LIMK1: variants seen among roughly 807,000 people sequenced by gnomAD.
LIMK1 encodes the protein LIM domain kinase 1.
In LIMK1, 21 loss-of-function variants were observed where a neutral mutation model predicts 77.6. That is an observed-to-expected ratio of 0.27 (90% CI 0.19 to 0.39). LIMK1 has a LOEUF of 0.39. LIMK1 is among the 10% of genes least tolerant of loss of function. LIMK1 has a pLI of 1.00. For missense variants in LIMK1, 696 were observed against 901.6 expected, an observed-to-expected ratio of 0.77 and a Z score of 2.92; for synonymous variants, 358 against 370.0, an observed-to-expected ratio of 0.97 and a Z score of 0.37.
intron 4 of LIMK1, 78 bp downstream of exon 4, chr7:74,097,267 C>G (rs1416309280): frequency 1.9e-5 from 16 of 843,230 alleles, no homozygotes; most frequent in Non-Finnish European, 2.2e-5. Flanking sequence ...CTCTCCCACA[C>G]CCGGGCCTCC....
chr7:74,099,302 G>T, intron 5 of LIMK1, 64 bp downstream of exon 5: 1 of 1,486,864 alleles, frequency 6.7e-7, no homozygotes, highest in South Asian at 1.1e-5. Context: ...GGGTGGCAGA[G>T]TCTGGCACTG....
intron 5 of LIMK1, among the ~76,000 whole-genome samples, chr7:74,100,988 C>T (rs543166453): frequency 6.6e-6 from 1 of 152,210 alleles, no homozygotes. Flanking sequence ...CCGCCCGTCT[C>T]GGCCTCCCAA....
chr7:74,093,219 A>G, intron 2 of LIMK1: 1 of 1,535,110 alleles, frequency 6.5e-7, no homozygotes, highest in Non-Finnish European at 8.7e-7. Context: ...CCTCCCTTAG[A>G]CCTCCAGAGC....
At chr7:74,114,914 C>CAAAAAAAAAAAAAAAAAAAAAAAAAAAAA (rs569366868) in intron 12 of LIMK1, among the ~76,000 whole-genome samples, 1 of 69,894 alleles carries the variant, frequency 1.4e-5, no homozygotes. Context: ...GACTCCAACT[C>CAAAAAAAAAAAAAAAAAAAAAAAAAAAAA]AAAAAAAAAA....
intron 13 of LIMK1, among the ~76,000 whole-genome samples, chr7:74,117,234 T>G (rs1554699692): frequency 1.3e-5 from 2 of 152,032 alleles, no homozygotes; most frequent in African/African-American, 4.8e-5. Context: ...CCCAGGCTGG[T>G]CTCAAACTCC....
intron 2 of LIMK1, among the ~76,000 whole-genome samples, chr7:74,087,175 G>A (rs1799150796): frequency 6.6e-6 from 1 of 152,090 alleles, no homozygotes; most frequent in Non-Finnish European, 1.5e-5. Flanking sequence ...GGCTGAGGTG[G>A]GCAGATCACT....
At chr7:74,087,498 A>G (rs1352705050) in intron 2 of LIMK1, among the ~76,000 whole-genome samples, 1 of 152,204 alleles carries the variant, frequency 6.6e-6, no homozygotes, top group Non-Finnish European at 1.5e-5. Context: ...AAAACTCCAT[A>G]AAAGGGTAGA....
chr7:74,111,382 G>A (rs1442143786), intron 10 of LIMK1: 1 of 475,948 alleles, frequency 2.1e-6, no homozygotes, highest in Non-Finnish European at 3.8e-6. Flanking sequence ...AGGTTGTAGG[G>A]AGCTGAGATG....
chr7:74,100,376 T>G (rs558641084), intron 5 of LIMK1, among the ~76,000 whole-genome samples: 95 of 152,340 alleles, frequency 6.2e-4, no homozygotes, highest in Non-Finnish European at 1.1e-3. Flanking sequence ...GTGGCGCCTT[T>G]ATTGACACCT....
intron 5 of LIMK1, among the ~76,000 whole-genome samples, chr7:74,101,071 T>C (rs778224020): frequency 2.0e-5 from 3 of 152,212 alleles, no homozygotes; most frequent in Non-Finnish European, 4.4e-5. Context: ...ACGCAGTGAA[T>C]GTTTCTTGTA....
At chr7:74,093,050 T>A in intron 2 of LIMK1, 1 of 1,222,172 alleles carries the variant, frequency 8.2e-7, no homozygotes, top group Non-Finnish European at 1.1e-6. Flanking sequence ...AAAGGGTGCT[T>A]CAGCCACTTC....
intron 1 of LIMK1, among the ~76,000 whole-genome samples, chr7:74,085,507 C>G (rs1242599978): frequency 6.6e-6 from 1 of 152,232 alleles, no homozygotes; most frequent in East Asian, 1.9e-4. Context: ...TCCTCCTAAG[C>G]TGATACATAG....
chr7:74,104,240 C>A (rs944060913), intron 5 of LIMK1, among the ~76,000 whole-genome samples: 3 of 150,654 alleles, frequency 2.0e-5, no homozygotes, highest in Non-Finnish European at 3.0e-5. Context: ...CCCTGTTTTT[C>A]TTAAAGTTCT....
chr7:74,086,936 A>G (rs1367118995), intron 2 of LIMK1, among the ~76,000 whole-genome samples: 1 of 152,124 alleles, frequency 6.6e-6, no homozygotes, highest in African/African-American at 2.4e-5. Context: ...ACACACACCC[A>G]CAGGTAGGAA....
chr7:74,092,923 C>T (rs186797625), intron 2 of LIMK1, among the ~76,000 whole-genome samples: 6 of 152,114 alleles, frequency 3.9e-5, no homozygotes, highest in Admixed American at 6.5e-5. Flanking sequence ...TTGCCAGGGC[C>T]GAGGCTGAGG....
rs1554693666 is a variant in LIMK1 at position 74,083,847 on chromosome 7, C to G, written c.-144C>G. The G allele has an allele frequency of 6.9e-6, 1 of 145,714 alleles. No homozygotes were observed. Among genetic ancestry groups the G allele is most frequent in the Non-Finnish European group, 1.5e-5 (1 of 65,860 alleles). 9.0% of individuals were successfully genotyped at this position (145,714 alleles called of 1,614,324 possible). ...CGCGGCGCCGAGCCGGTTTCCCCGC[C>G]GGTGTCCGAGAGGCGCCCCCGGCCC... On this transcript the variant is annotated 5_prime_UTR_variant, in exon 1 of 16. Coordinates refer to ENST00000336180, the MANE Select transcript of LIMK1 (RefSeq NM_002314.4).
intron 2 of LIMK1, among the ~76,000 whole-genome samples, chr7:74,095,307 G>A (rs563017068): frequency 6.6e-6 from 1 of 152,176 alleles, no homozygotes; most frequent in Non-Finnish European, 1.5e-5. Context: ...CCCCTAGCCT[G>A]TTCTCTGTGT....
chr7:74,102,760 A>C (rs1172284269), intron 5 of LIMK1, among the ~76,000 whole-genome samples: 1 of 151,576 alleles, frequency 6.6e-6, no homozygotes, highest in Non-Finnish European at 1.5e-5. Flanking sequence ...AATTTTGCCT[A>C]TTGTCTCTAT....
At chr7:74,112,416 A>G (rs192946484) in intron 12 of LIMK1, among the ~76,000 whole-genome samples, 1 of 152,270 alleles carries the variant, frequency 6.6e-6, no homozygotes, top group Non-Finnish European at 1.5e-5. Flanking sequence ...TGGTCAGGGC[A>G]GGCTTCCTGA....
Sources: allele counts gnomAD v4.1 joint callset (sites outside exome capture counted in the v4.1 genomes callset), GRCh38; gene constraint gnomAD v4.1.1; transcripts MANE v1.5; gene names NCBI Gene and HGNC (gene_info 2026-07-23, HGNC 2026-07-21).